Variants in RBFOX3 observed in about 807,000 individuals in gnomAD.
The protein encoded by RBFOX3 is RNA binding protein fox-1 homolog 3.
In RBFOX3, 17 loss-of-function variants were observed where a neutral mutation model predicts 48.7. The ratio of observed to expected loss-of-function variants is 0.35; its 90% CI spans 0.24 to 0.52. The LOEUF (loss-of-function observed/expected upper bound fraction) is 0.52. Among genes scored for constraint, RBFOX3 ranks in the 20% least tolerant of loss-of-function variants. The pLI is 0.94. For missense variants in RBFOX3, 382 were observed against 497.5 expected, an observed-to-expected ratio of 0.77 and a Z score of 2.21; for synonymous variants, 212 against 209.5, an observed-to-expected ratio of 1.01 and a Z score of -0.10.
chr17:79,104,332 G>T (rs2076976621), intron 6 of RBFOX3, among the ~76,000 whole-genome samples: 1 of 152,210 alleles, frequency 6.6e-6, no homozygotes, highest in Non-Finnish European at 1.5e-5. Context: ...CGATGGTGGG[G>T]ATAGGGTGCC....
At chr17:79,293,531 C>T (rs111379336) in intron 3 of RBFOX3, among the ~76,000 whole-genome samples, 11,486 of 150,988 alleles carry the variant, frequency 0.076, 964 homozygotes, top group African/African-American at 0.2. Context: ...TGGCTCATTG[C>T]AACCTCCACC....
At chr17:79,513,002 A>T (rs556349764) in intron 1 of RBFOX3, among the ~76,000 whole-genome samples, 13 of 148,984 alleles carry the variant, frequency 8.7e-5, no homozygotes, top group African/African-American at 2.5e-4. Context: ...GTACAGCCCC[A>T]TGGCCAGGGG....
intron 4 of RBFOX3, among the ~76,000 whole-genome samples, chr17:79,187,199 T>C (rs73412081): frequency 0.14 from 20,829 of 152,212 alleles, 1,698 homozygotes; most frequent in South Asian, 0.22. Context: ...CCCATGTCCT[T>C]TGGAAATTCC....
At chr17:79,589,347 G>T (rs959437386) in intron 1 of RBFOX3, among the ~76,000 whole-genome samples, 16 of 152,102 alleles carry the variant, frequency 1.1e-4, no homozygotes, top group African/African-American at 3.9e-4. Flanking sequence ...CCTGTGGCTG[G>T]CTCACCCCAG....
the RBFOX3 span, among the ~76,000 whole-genome samples, chr17:79,646,613 T>C: frequency 6.6e-6 from 1 of 152,188 alleles, no homozygotes; most frequent in Non-Finnish European, 1.5e-5. Context: ...CCCCCATGAT[T>C]TGATTATCTC....
At chr17:79,279,786 G>A (rs28440827) in intron 3 of RBFOX3, among the ~76,000 whole-genome samples, 2,445 of 152,292 alleles carry the variant, frequency 0.016, 74 homozygotes, top group African/African-American at 0.056. Flanking sequence ...CCAGGCAGGG[G>A]GAGGTCACAT....
At chr17:79,332,717 CAG>C (rs1249408635) in intron 2 of RBFOX3, among the ~76,000 whole-genome samples, 3 of 118,038 alleles carry the variant, frequency 2.5e-5, no homozygotes, top group Non-Finnish European at 5.6e-5. Context: ...GACAGAAAGA[CAG>C]AGCCTGAGAG....
chr17:79,620,633 G>GCACATGCACA, the RBFOX3 span, among the ~76,000 whole-genome samples: 2 of 7,278 alleles, frequency 2.7e-4, no homozygotes, highest in South Asian at 0.012. Context: ...ATGCACACAC[G>GCACATGCACA]CACACGCACA....
chr17:79,553,255 A>C (rs1296934802), intron 1 of RBFOX3, among the ~76,000 whole-genome samples: 2 of 152,236 alleles, frequency 1.3e-5, no homozygotes, highest in Non-Finnish European at 2.9e-5. Flanking sequence ...TCTTTATATT[A>C]ATATGATGCA....
chr17:79,293,453 TTCCTTCCTTCCTTCC>T (rs2073782077), intron 3 of RBFOX3, among the ~76,000 whole-genome samples: 1 of 121,836 alleles, frequency 8.2e-6, no homozygotes, highest in Non-Finnish European at 1.7e-5. Context: ...CCTTCCTTCC[TTCCTTCCTTCCTTCC>T]CTTCCTTCCT....
At chr17:79,344,585 C>G (rs953948743) in intron 2 of RBFOX3, among the ~76,000 whole-genome samples, 1 of 140,964 alleles carries the variant, frequency 7.1e-6, no homozygotes, top group South Asian at 2.3e-4. Context: ...GACGGAGTCT[C>G]ACTCCATTGC....
chr17:79,484,548 AG>A lies in RBFOX3; in HGVS notation c.-319-1951del, dbSNP rs1335611038. On this transcript the variant is annotated intron_variant, in intron 1 of 14. Coordinates refer to ENST00000693108, the MANE Select transcript of RBFOX3 (RefSeq NM_001350451.2). ...GGCCTGGGTGCAGGGGCCTGGGTGC[AG>A]GGGGCCTGGGTGCAGGGGGCCTGGG... Among the ~76,000 whole-genome samples, 26 of 22,478 alleles carry A rather than the reference AG, an allele frequency of 1.2e-3. 1 individual carries two copies. Among genetic ancestry groups the A allele is most frequent in the Non-Finnish European group, 1.0e-3 (9 of 8,828 alleles). 14.7% of individuals were successfully genotyped at this position (22,478 alleles called of 152,430 possible).
chr17:79,625,871 G>A, the RBFOX3 span, among the ~76,000 whole-genome samples: 1 of 152,362 alleles, frequency 6.6e-6, no homozygotes, highest in African/African-American at 2.4e-5. Context: ...GCGCAGACGG[G>A]GGTGGCTGCG....
At chr17:79,373,802 C>T (rs756436334) in intron 2 of RBFOX3, among the ~76,000 whole-genome samples, 2 of 152,070 alleles carry the variant, frequency 1.3e-5, no homozygotes, top group Non-Finnish European at 1.5e-5. Flanking sequence ...GCAGGCTGAG[C>T]GCAGGGACCA....
intron 1 of RBFOX3, among the ~76,000 whole-genome samples, chr17:79,490,635 G>A (rs1421701606): frequency 2.0e-5 from 3 of 152,054 alleles, no homozygotes; most frequent in Non-Finnish European, 4.4e-5. Context: ...CATCACTGCT[G>A]TGCTAAACAT....
At chr17:79,567,653 T>G (rs1226101989) in intron 1 of RBFOX3, among the ~76,000 whole-genome samples, 2 of 152,162 alleles carry the variant, frequency 1.3e-5, no homozygotes, top group Non-Finnish European at 2.9e-5. Context: ...ATGTGTCAAC[T>G]AAAAATAAAG....
At position 79,204,540 on chromosome 17, in the gene RBFOX3, G is replaced by A. The variant is rs1184129282; in HGVS notation, c.-34+31226C>T. ...GACGCGCTGGAACTACTTTGGTGGA[G>A]TATTAAAGAAGGGGTCCGAAGGCCC... is the stretch of plus-strand genomic sequence containing the variant. On this transcript the variant is annotated intron_variant, in intron 4 of 14. Coordinates refer to ENST00000693108, the MANE Select transcript of RBFOX3 (RefSeq NM_001350451.2). The surrounding 1 kb of genome is among the most constrained non-coding windows in gnomAD (Gnocchi z 4.5). Among the ~76,000 whole-genome samples, 1 of 152,204 alleles carries A rather than the reference G, an allele frequency of 6.6e-6. No homozygotes were observed. The highest frequency in any genetic ancestry group is 1.5e-5 in the Non-Finnish European group (1 of 68,044).
At chr17:79,256,648 T>C (rs948080814) in intron 3 of RBFOX3, among the ~76,000 whole-genome samples, 3 of 152,130 alleles carry the variant, frequency 2.0e-5, no homozygotes, top group African/African-American at 7.2e-5. Flanking sequence ...CCAGGTACGG[T>C]GGCTCATGCC....
intron 2 of RBFOX3, among the ~76,000 whole-genome samples, chr17:79,457,942 C>T (rs1229838360): frequency 6.6e-6 from 1 of 152,206 alleles, no homozygotes; most frequent in Admixed American, 6.5e-5. Context: ...GGGTGGGGAG[C>T]CAGAGGTCCT....
Sources: allele counts gnomAD v4.1 joint callset (sites outside exome capture counted in the v4.1 genomes callset), GRCh38; gene constraint gnomAD v4.1.1; non-coding constraint Gnocchi (gnomAD v3.1); transcripts MANE v1.5; gene names NCBI Gene and HGNC (gene_info 2026-07-23, HGNC 2026-07-21).